ZIK1: variants seen among roughly 807,000 people sequenced by gnomAD.
The protein encoded by ZIK1 is zinc finger protein interacting with ribonucleoprotein K.
A neutral mutation model predicts 10.7 loss-of-function variants in ZIK1; 12 were observed. That is an observed-to-expected ratio of 1.12 (90% CI 0.72 to 1.81). The LOEUF (loss-of-function observed/expected upper bound fraction) is 1.81. ZIK1 is among the 40% of genes most tolerant of loss of function. The pLI, the probability that ZIK1 is intolerant of heterozygous loss-of-function variation, is 0.00. For missense variants in ZIK1, 497 were observed against 585.7 expected (o/e 0.85, Z 1.56); for synonymous variants, 190 against 205.0 (o/e 0.93, Z 0.63).
rs1457364231 is a variant in ZIK1 at position 57,592,447 on chromosome 19, ATAAT to A, written c.*1176_*1179del. On this transcript the variant is annotated 3_prime_UTR_variant, in exon 4 of 4. Transcript: ENST00000597850. ...ATAGCTGAGGTTATTTTCAGCAAAAATAATTAAAGGGTTTTATTTTTTAATTCTT... is the reference window on the plus strand; with the variant it reads ...ATAGCTGAGGTTATTTTCAGCAAAAATAAAGGGTTTTATTTTTTAATTCTT... The A allele has an allele frequency of 1.3e-5, 2 of 152,242 alleles. No individual in the cohort carries two copies. The highest frequency in any genetic ancestry group is 1.5e-5 in the Non-Finnish European group (1 of 68,050). The allele number at this position is 152,242 out of a possible 1,614,324, so 9.4% of individuals were successfully genotyped here.
chr19:57,584,298 G>C lies in ZIK1; in HGVS notation c.-59G>C. 1 of 1,547,758 alleles carries C rather than the reference G, an allele frequency of 6.5e-7. No individual in the cohort carries two copies. The highest frequency in any genetic ancestry group is 8.7e-7 in the Non-Finnish European group (1 of 1,146,714). ...CGGCGGCGGCGGGGTTGACGGCTTT[G>C]CCTAGGTCCCTCCGCCCGTAGCTGT... On this transcript the variant is annotated 5_prime_UTR_variant, in exon 1 of 4. Transcript: ENST00000597850.
Position 57,591,212 on chromosome 19 carries a change from ATG to A in ZIK1, c.1404_1405del (p.Cys468TrpfsTer5), listed in dbSNP as rs1568616897. On this transcript the variant is annotated frameshift_variant, in exon 4 of 4. Coordinates refer to ENST00000597850, the MANE Select transcript of ZIK1 (RefSeq NM_001010879.4). LOFTEE classifies it low-confidence loss of function (END_TRUNC). Reference sequence around the variant, plus strand: ...GAGAAAGGCCTTATGAGTGCAACAAATGTGGGAATTCCTTTAGCCAATGCTCC... The same window carrying A: ...GAGAAAGGCCTTATGAGTGCAACAAATGGGAATTCCTTTAGCCAATGCTCC... ...TGERPYECNK[C>X]GNSFSQCSSL... 1.2e-6 allele frequency: 2 copies of A among 1,614,076 alleles called. No homozygotes were observed. Among genetic ancestry groups the A allele is most frequent in the Non-Finnish European group, 1.7e-6 (2 of 1,180,008 alleles).
chr19:57,585,210 G>A (rs1979033979), intron 2 of ZIK1, among the ~76,000 whole-genome samples: 1 of 152,222 alleles, frequency 6.6e-6, no homozygotes, highest in Admixed American at 6.5e-5. Flanking sequence ...ACAATAATGT[G>A]TAAGGTTGGC....
In ZIK1 at chr19:57,590,146, T is replaced by C. The variant is rs1373853202; in HGVS notation, c.335T>C (p.Ile112Thr). ...CEMCVPVLKDILHLADLPGQK... is the reference protein window; with the variant it reads ...CEMCVPVLKDTLHLADLPGQK... ...ATGTGTGTCCCAGTCCTGAAAGATA[T>C]TTTGCATCTAGCTGATCTCCCTGGG... Residue 112 changes from isoleucine to threonine, a missense_variant, in exon 4 of 4, where the codon ATT (isoleucine) becomes ACT (threonine). Ile to Thr is a moderately conservative substitution (Grantham distance 89, BLOSUM62 -1). Transcript: ENST00000597850. 6.2e-7 allele frequency: 1 copy of C among 1,614,186 alleles called. No homozygotes were observed. Among genetic ancestry groups the C allele is most frequent in the Non-Finnish European group, 8.5e-7 (1 of 1,180,042 alleles).
intron 2 of ZIK1, among the ~76,000 whole-genome samples, chr19:57,586,467 G>C (rs957687116): frequency 2.0e-5 from 3 of 152,168 alleles, no homozygotes; most frequent in Non-Finnish European, 4.4e-5. Context: ...GGAGGCTGAG[G>C]CAGGAGAATT....
chr19:57,585,536 G>C (rs2123413940), intron 2 of ZIK1, among the ~76,000 whole-genome samples: 1 of 152,286 alleles, frequency 6.6e-6, no homozygotes. Flanking sequence ...TGTGAAGGTA[G>C]AAGAAGTGGC....
At position 57,584,290 on chromosome 19, in the gene ZIK1, A is replaced by T; in HGVS notation, c.-67A>T. On this transcript the variant is annotated 5_prime_UTR_variant, in exon 1 of 4. Transcript: ENST00000597850. Reference sequence around the variant, plus strand: ...CTAAGGGTCGGCGGCGGCGGGGTTGACGGCTTTGCCTAGGTCCCTCCGCCC... The same window carrying T: ...CTAAGGGTCGGCGGCGGCGGGGTTGTCGGCTTTGCCTAGGTCCCTCCGCCC... 1 of 1,532,180 alleles carries T rather than the reference A, an allele frequency of 6.5e-7. No individual in the cohort carries two copies. Among genetic ancestry groups the T allele is most frequent in the Non-Finnish European group, 8.8e-7 (1 of 1,137,044 alleles). 94.9% of individuals were successfully genotyped at this position (1,532,180 alleles called of 1,614,324 possible).
Position 57,584,342 on chromosome 19 carries a change from T to C in ZIK1, c.-15T>C. ...TAGCTGTCGGGTCCCGGCCCCGCTC[T>C]GCCCACAGACTCCGATGGCTGCGGC... On this transcript the variant is annotated 5_prime_UTR_variant, in exon 1 of 4. Coordinates refer to ENST00000597850, the MANE Select transcript of ZIK1 (RefSeq NM_001010879.4). The C allele has an allele frequency of 1.3e-6, 2 of 1,593,846 alleles. No homozygotes were observed. The highest frequency in any genetic ancestry group is 1.7e-6 in the Non-Finnish European group (2 of 1,170,702).
chr19:57,587,000 G>A (rs1379571002), intron 2 of ZIK1, among the ~76,000 whole-genome samples: 4 of 152,196 alleles, frequency 2.6e-5, no homozygotes, highest in Admixed American at 2.0e-4. Flanking sequence ...GCGTGGCTGG[G>A]GAGGCCTCAC....
In ZIK1 at chr19:57,591,246, A is replaced by G. The variant is rs202030663; in HGVS notation, c.1435A>G (p.Ile479Val). Residue 479 changes from isoleucine (I) to valine (V), a missense_variant, in exon 4 of 4, where the codon ATA becomes GTA. By Grantham distance (29) the Ile-to-Val change is conservative (BLOSUM62 3). Coordinates refer to ENST00000597850, the MANE Select transcript of ZIK1 (RefSeq NM_001010879.4). ...TTCCTTTAGCCAATGCTCCAGCCTC[A>G]TACATCACCAAAAATGTCATAACAC... ...GNSFSQCSSL[I>V]HHQKCHNT is the part of the protein sequence containing the mutation. 2.8e-5 allele frequency: 45 copies of G among 1,611,724 alleles called. No individual in the cohort carries two copies. The East Asian group carries it at 9.4e-4, about 34-fold the overall frequency.
At chr19:57,585,883 ATTTTTTTT>A (rs59607792) in intron 2 of ZIK1, among the ~76,000 whole-genome samples, 10 of 130,120 alleles carry the variant, frequency 7.7e-5, no homozygotes, top group African/African-American at 2.3e-4. Flanking sequence ...TGCCCAGCGA[ATTTTTTTT>A]TTTTTTTTTT....
chr19:57,592,021 T>G lies in ZIK1; in HGVS notation c.*746T>G, dbSNP rs1273200980. On this transcript the variant is annotated 3_prime_UTR_variant, in exon 4 of 4. Coordinates refer to ENST00000597850, the MANE Select transcript of ZIK1 (RefSeq NM_001010879.4). ...AGGAAAAAATGCAAGGTTTTGGTTA[T>G]TCTAATTTGTGGCCTGGATCCCTAT... 6.6e-6 allele frequency: 1 copy of G among 152,202 alleles called. No homozygotes were observed. The allele number at this position is 152,202 out of a possible 1,614,324, so 9.4% of individuals were successfully genotyped here.
At chr19:57,585,020 G>C in intron 2 of ZIK1, 30 bp downstream of exon 2, 1 of 1,601,674 alleles carries the variant, frequency 6.2e-7, no homozygotes, top group Non-Finnish European at 8.5e-7. Context: ...GGCCCTCACT[G>C]GTCCTGGCCC....
chr19:57,584,972 A>G lies in ZIK1; in HGVS notation c.54A>G (p.Thr18=). The stretch of plus-strand genomic sequence containing the variant: ...CACAGGTTACTGTGTCTCCAGAAAC[A>G]CATATGGACCTCACAAAGGTGAGTG... ...APTQVTVSPE[T]HMDLTKGCVT... Residue 18 remains threonine, a synonymous_variant, in exon 2 of 4, where the codon ACA becomes ACG. Coordinates refer to ENST00000597850, the MANE Select transcript of ZIK1 (RefSeq NM_001010879.4). 1.9e-6 allele frequency: 3 copies of G among 1,613,928 alleles called. No individual in the cohort carries two copies. The highest frequency in any genetic ancestry group is 1.3e-5 in the African/African-American group (1 of 75,042).
chr19:57,590,438 T>A lies in ZIK1; in HGVS notation c.627T>A (p.Ser209Arg). The change falls in exon 4 of 4, where the codon AGT becomes AGA. Residue 209 changes from serine (S) to arginine (R), a missense_variant. Physicochemically the swap from Ser to Arg is moderately radical, Grantham distance 110 (BLOSUM62 -1). Transcript: ENST00000597850. ...ECGEDIRSQK[S>R]HYKSGECGKA... ...GGGAGGACATTCGCAGTCAAAAAAGTCATTACAAGTCAGGTGAATGTGGGA... is the reference window on the plus strand; with the variant it reads ...GGGAGGACATTCGCAGTCAAAAAAGACATTACAAGTCAGGTGAATGTGGGA... 6.2e-7 allele frequency: 1 copy of A among 1,614,108 alleles called. No homozygotes were observed. Among genetic ancestry groups the A allele is most frequent in the South Asian group, 1.1e-5 (1 of 91,084 alleles).
intron 2 of ZIK1, among the ~76,000 whole-genome samples, chr19:57,587,965 C>T (rs924587418): frequency 7.9e-5 from 12 of 151,708 alleles, no homozygotes; most frequent in Non-Finnish European, 1.8e-4. Flanking sequence ...AAGTGGAGGA[C>T]GGCCATCGGT....
At chr19:57,589,948 T>C in intron 3 of ZIK1, 63 bp from the exon 4 acceptor site, 2 of 1,546,090 alleles carry the variant, frequency 1.3e-6, no homozygotes, top group Non-Finnish European at 1.8e-6. Flanking sequence ...GGTATGTGTG[T>C]AATGGGGCTT....
chr19:57,591,020 A>G lies in ZIK1; in HGVS notation c.1209A>G (p.Gly403=). Residue 403 remains glycine, a synonymous_variant, in exon 4 of 4, where the codon GGA becomes GGG. Transcript: ENST00000597850. ...TLIKHQRVHT[G]ERPYKCGDCG... is the part of the protein sequence containing the mutation. Reference sequence around the variant, plus strand: ...TTAAACACCAGAGAGTTCACACTGGAGAAAGGCCTTATAAGTGTGGTGACT... The same window carrying G: ...TTAAACACCAGAGAGTTCACACTGGGGAAAGGCCTTATAAGTGTGGTGACT... 1 of 1,614,194 alleles carries G rather than the reference A, an allele frequency of 6.2e-7. No individual in the cohort carries two copies. Among genetic ancestry groups the G allele is most frequent in the Non-Finnish European group, 8.5e-7 (1 of 1,180,030 alleles).
rs778547265 is a variant in ZIK1 at position 57,590,972 on chromosome 19, C to G, written c.1161C>G (p.Ser387=). 5 of 1,614,082 alleles carry G rather than the reference C, an allele frequency of 3.1e-6. No individual in the cohort carries two copies. The highest frequency in any genetic ancestry group is 2.5e-6 in the Non-Finnish European group (3 of 1,179,982). Residue 387 remains serine (S), a synonymous_variant, in exon 4 of 4, where the codon TCC becomes TCG. Coordinates refer to ENST00000597850, the MANE Select transcript of ZIK1 (RefSeq NM_001010879.4). ...ATGAGTGTGGCCAGTGTGGGAAATC[C>G]TTTAGTCAAAAAGCTACCCTCATTA... ...KPYECGQCGK[S]FSQKATLIKH...
Sources: allele counts gnomAD v4.1 joint callset (sites outside exome capture counted in the v4.1 genomes callset), GRCh38; gene constraint gnomAD v4.1.1; transcripts MANE v1.5; gene names NCBI Gene and HGNC (gene_info 2026-07-23, HGNC 2026-07-21).